Variants in RAB37 observed in about 807,000 individuals in gnomAD.
RAB37 encodes the protein ras-related protein Rab-37.
Under a neutral mutation model 33.1 loss-of-function variants are expected in RAB37, and 29 were observed. The observed-to-expected ratio is 0.88, with a 90% CI of 0.65 to 1.20. The LOEUF (loss-of-function observed/expected upper bound fraction) is 1.20, where lower values mean the gene tolerates loss of function less well. Among genes scored for constraint, RAB37 ranks in the 50% most tolerant of loss-of-function variants. RAB37 has a pLI of 0.00. For synonymous variants in RAB37, 128 were observed against 119.5 expected (o/e 1.07, Z -0.47); for missense variants, 299 against 301.1 (o/e 0.99, Z 0.05).
chr17:74,745,513 T>TGGA lies in RAB37; in HGVS notation c.*106_*108dup. The TGGA allele has an allele frequency of 1.1e-6, 1 of 938,732 alleles. No homozygotes were observed. The highest frequency in any genetic ancestry group is 1.7e-6 in the Non-Finnish European group (1 of 593,154). The allele number at this position is 938,732 out of a possible 1,614,324, so 58.2% of individuals were successfully genotyped here. ...GAGGCTGAGCCAATGGGGAGAAAGA[T>TGGA]GGAGGACTCACTGCACAGCCGCTTC... On this transcript the variant is annotated 3_prime_UTR_variant, in exon 9 of 9. Coordinates refer to ENST00000392613, the MANE Select transcript of RAB37 (RefSeq NM_001006638.3). This position sits in a 1 kb window ranked among gnomAD's most constrained non-coding sequence, Gnocchi z 4.5.
intron 1 of RAB37, among the ~76,000 whole-genome samples, chr17:74,673,997 G>A (rs1432066359): frequency 6.6e-6 from 1 of 152,170 alleles, no homozygotes; most frequent in Admixed American, 6.5e-5. Flanking sequence ...TTACTATGTA[G>A]TAGAGTCCAA....
At chr17:74,700,213 A>G (rs1304679581) in intron 1 of RAB37, among the ~76,000 whole-genome samples, 1 of 151,898 alleles carries the variant, frequency 6.6e-6, no homozygotes, top group Non-Finnish European at 1.5e-5. Flanking sequence ...AAATAAATAA[A>G]TCCCGTAACA....
chr17:74,675,505 T>G (rs569206690), intron 1 of RAB37, among the ~76,000 whole-genome samples: 1 of 151,972 alleles, frequency 6.6e-6, no homozygotes, highest in East Asian at 1.9e-4. Context: ...GGTGTCACAT[T>G]CAGTCTCACC....
At chr17:74,723,575 CTTTTTTTTTTTT>C (rs35936012) in intron 1 of RAB37, among the ~76,000 whole-genome samples, 1 of 133,184 alleles carries the variant, frequency 7.5e-6, no homozygotes, top group Non-Finnish European at 1.6e-5. Flanking sequence ...AATTAACTAA[CTTTTTTTTTTTT>C]TTTTTTTTTG....
chr17:74,691,726 C>A (rs1362187593), intron 1 of RAB37, among the ~76,000 whole-genome samples: 1 of 152,158 alleles, frequency 6.6e-6, no homozygotes, highest in Non-Finnish European at 1.5e-5. Flanking sequence ...AAGATGAATC[C>A]GTTTCTATCC....
intron 1 of RAB37, chr17:74,712,953 CT>C (rs904681143): frequency 1.0e-5 from 14 of 1,362,134 alleles, no homozygotes; most frequent in Admixed American, 1.9e-5. Flanking sequence ...CTGGTACTCA[CT>C]CTCGCCCTTG....
Position 74,742,632 on chromosome 17 carries a change from CTTT to C in RAB37, c.246+346_246+348del, listed in dbSNP as rs1239298939. Among the ~76,000 whole-genome samples the C allele has an allele frequency of 6.9e-6, 1 of 145,622 alleles. No homozygotes were observed. On this transcript the variant is annotated intron_variant, in intron 3 of 8. Transcript: ENST00000392613. This position sits in a 1 kb window ranked among gnomAD's most constrained non-coding sequence, Gnocchi z 4.0. ...AGATTCTTTTTTTTTCTTTTCTTTT[CTTT>C]TTTTTTTTGAGATGGAGTCTCGCTC...
intron 1 of RAB37, among the ~76,000 whole-genome samples, chr17:74,707,689 C>T (rs118043775): frequency 0.062 from 9,109 of 147,310 alleles, 364 homozygotes; most frequent in East Asian, 0.15. Flanking sequence ...CATTCCAGCC[C>T]GAGCAACAGA....
intron 1 of RAB37, among the ~76,000 whole-genome samples, chr17:74,692,011 A>G (rs1028997207): frequency 1.3e-5 from 2 of 151,790 alleles, no homozygotes; most frequent in African/African-American, 4.8e-5. Context: ...GACTACAGGC[A>G]CCCGCCACCA....
intron 1 of RAB37, among the ~76,000 whole-genome samples, chr17:74,686,175 C>T (rs912289337): frequency 1.3e-5 from 2 of 152,150 alleles, no homozygotes; most frequent in Admixed American, 1.3e-4. Flanking sequence ...TTACCGTAAC[C>T]TCTGCTTCCA....
intron 1 of RAB37, among the ~76,000 whole-genome samples, chr17:74,710,499 T>C (rs1319633111): frequency 6.6e-6 from 1 of 152,114 alleles, no homozygotes; most frequent in Admixed American, 6.5e-5. Context: ...TCATTTACAT[T>C]AGCAATAAAA....
intron 1 of RAB37, among the ~76,000 whole-genome samples, chr17:74,723,360 T>TAC (rs1266713683): frequency 8.9e-5 from 5 of 56,088 alleles, no homozygotes; most frequent in African/African-American, 2.1e-4. Context: ...ACCCCACCCC[T>TAC]ACACACACAC....
chr17:74,671,562 C>T lies in RAB37; in HGVS notation c.-25C>T, dbSNP rs2143444066. ...CGCTGACGCAGAGCGCAGGGAGAGC[C>T]GGAGCGGCGAGCTCCAAGCCTGGCA... On this transcript the variant is annotated 5_prime_UTR_variant, in exon 1 of 8. Transcript: ENST00000340415. This position sits in a 1 kb window ranked among gnomAD's most constrained non-coding sequence, Gnocchi z 5.0. The T allele has an allele frequency of 6.2e-7, 1 of 1,612,452 alleles. No homozygotes were observed. The highest frequency in any genetic ancestry group is 1.3e-5 in the African/African-American group (1 of 75,038).
At chr17:74,718,508 G>T (rs905366370) in intron 1 of RAB37, among the ~76,000 whole-genome samples, 4 of 152,076 alleles carry the variant, frequency 2.6e-5, no homozygotes, top group Non-Finnish European at 4.4e-5. Flanking sequence ...TGCAATTGAG[G>T]CTCCCCCTGC....
chr17:74,726,157 C>A (rs1363689357), intron 1 of RAB37, among the ~76,000 whole-genome samples: 4 of 150,980 alleles, frequency 2.6e-5, no homozygotes, highest in Non-Finnish European at 5.9e-5. Flanking sequence ...ATAGCTTGAA[C>A]TCGGGAGGCA....
chr17:74,679,395 C>T (rs1242871943), intron 1 of RAB37, among the ~76,000 whole-genome samples: 3 of 152,136 alleles, frequency 2.0e-5, no homozygotes, highest in Non-Finnish European at 2.9e-5. Context: ...TCGCCTCCCC[C>T]ATGCCTTTAC....
chr17:74,741,587 GAA>G (rs535783718), intron 2 of RAB37, among the ~76,000 whole-genome samples: 1 of 127,158 alleles, frequency 7.9e-6, no homozygotes. Flanking sequence ...CTGCGTCTCA[GAA>G]AAAAAAAAAA....
intron 1 of RAB37, among the ~76,000 whole-genome samples, chr17:74,692,993 A>C (rs756180247): frequency 1.3e-5 from 2 of 152,224 alleles, no homozygotes; most frequent in Non-Finnish European, 2.9e-5. Context: ...TTAAGGCACC[A>C]CACAGCCTAG....
chr17:74,673,351 C>T (rs559551315), intron 1 of RAB37, among the ~76,000 whole-genome samples: 11 of 150,004 alleles, frequency 7.3e-5, no homozygotes, highest in South Asian at 6.3e-4. Context: ...TGCAGTGAAC[C>T]GAAATCACAC....
Sources: gnomAD v4.1 joint callset for allele counts (sites outside exome capture counted in the v4.1 genomes callset) on GRCh38, gnomAD v4.1.1 for gene constraint, Gnocchi (gnomAD v3.1) non-coding constraint, MANE v1.5 for transcripts, NCBI Gene and HGNC (gene_info 2026-07-23, HGNC 2026-07-21) for gene names.